The following DPH6 variants were observed in gnomAD, a reference collection of about 807,000 sequenced individuals.
DPH6 encodes the protein diphthine--ammonia ligase.
DPH6 carries 33 observed loss-of-function variants against 38.2 expected under a neutral mutation model. That is an observed-to-expected ratio of 0.86 (90% CI 0.65 to 1.15). The LOEUF is 1.15. Ranked by LOEUF, DPH6 falls within the 50% of genes most tolerant of loss-of-function variation. The pLI is 0.00. For synonymous variants in DPH6, 108 were observed against 103.0 expected (o/e 1.05, Z -0.30); for missense variants, 325 against 320.0 (o/e 1.02, Z -0.12).
At chr15:35,434,636 G>T (rs1288480368) in intron 5 of DPH6, among the ~76,000 whole-genome samples, 5 of 151,924 alleles carry the variant, frequency 3.3e-5, no homozygotes, top group Non-Finnish European at 7.4e-5. Flanking sequence ...GAAAGAACAG[G>T]CAACAATGTA....
intron 5 of DPH6, among the ~76,000 whole-genome samples, chr15:35,447,893 C>T (rs1252344770): frequency 6.6e-6 from 1 of 152,128 alleles, no homozygotes; most frequent in Non-Finnish European, 1.5e-5. Flanking sequence ...TCCTAGAAAG[C>T]TTATAAGTAG....
At chr15:35,530,232 C>T (rs2055066445) in intron 3 of DPH6, among the ~76,000 whole-genome samples, 1 of 152,122 alleles carries the variant, frequency 6.6e-6, no homozygotes. Flanking sequence ...TTACACCTAG[C>T]ATCCCAGACA....
At chr15:35,221,607 A>G (rs1005246657) in intron 3 of DPH6, among the ~76,000 whole-genome samples, 3 of 152,154 alleles carry the variant, frequency 2.0e-5, no homozygotes, top group African/African-American at 7.2e-5. Context: ...CCTAGATGGG[A>G]AAGACATCCT....
rs552768006 is a variant in DPH6, at chr15:35,296,053, C to G, written n.201-75471G>C. Among the ~76,000 whole-genome samples, 9 of 152,032 alleles carry G rather than the reference C, an allele frequency of 5.9e-5. No individual in the cohort carries two copies. In the East Asian group the frequency reaches 1.6e-3, roughly 26 times the overall value. ...CTCCTGGGTTCACGCCATTCTCTTG[C>G]CTCAGCCTCCCAAGTAGCTGGGACT... is the stretch of plus-strand genomic sequence containing the variant. On this transcript the variant is annotated intron_variant and non_coding_transcript_variant, in intron 3 of 3. Coordinates refer to the DPH6 transcript ENST00000560386.
chr15:35,296,804 C>CT lies in DPH6; in HGVS notation n.201-76223dup, dbSNP rs772132282. Among the ~76,000 whole-genome samples, 191 of 127,298 alleles carry CT rather than the reference C, an allele frequency of 1.5e-3. 6 individuals carry two copies. Among genetic ancestry groups the CT allele is most frequent in the South Asian group, 6.0e-3 (24 of 4,026 alleles). 83.5% of individuals were successfully genotyped at this position (127,298 alleles called of 152,430 possible). On this transcript the variant is annotated intron_variant and non_coding_transcript_variant, in intron 3 of 3. Transcript: ENST00000560386. ...ATTCTCTAACCTGATGGCCTGGCTT[C>CT]TTTTTTTTTTTGAGACGGAGTCTCG... is the stretch of plus-strand genomic sequence containing the variant.
At chr15:35,366,004 G>C, downstream of DPH6, 1 of 985,224 alleles carries the variant, frequency 1.0e-6, no homozygotes, top group Non-Finnish European at 1.2e-6. Flanking sequence ...GACAGGGTAG[G>C]AAAGTTGTGC....
At chr15:35,307,283 C>T (rs1314600193) in intron 3 of DPH6, among the ~76,000 whole-genome samples, 3 of 151,310 alleles carry the variant, frequency 2.0e-5, no homozygotes, top group Admixed American at 1.3e-4. Context: ...CTGTATTGGG[C>T]ACAGAACATG....
At chr15:35,306,827 A>T (rs2052095993) in intron 3 of DPH6, among the ~76,000 whole-genome samples, 1 of 152,180 alleles carries the variant, frequency 6.6e-6, no homozygotes, top group African/African-American at 2.4e-5. Flanking sequence ...CTCTGCAGAG[A>T]ACACACCCAA....
chr15:35,388,040 T>A (rs1019746463), intron 6 of DPH6, among the ~76,000 whole-genome samples: 1 of 152,100 alleles, frequency 6.6e-6, no homozygotes, highest in Non-Finnish European at 1.5e-5. Context: ...TTATTGAGAG[T>A]TTTTAGCATG....
chr15:35,158,715 C>T, the DPH6 span, among the ~76,000 whole-genome samples: 1 of 151,986 alleles, frequency 6.6e-6, no homozygotes, highest in African/African-American at 2.4e-5. Context: ...AAATTGAACG[C>T]CTACATACCA....
chr15:35,435,829 T>G (rs752372884), intron 5 of DPH6, among the ~76,000 whole-genome samples: 9 of 152,076 alleles, frequency 5.9e-5, no homozygotes, highest in Non-Finnish European at 1.2e-4. Context: ...TTTCTGAGCC[T>G]TCTTGTCCTT....
Position 35,231,296 on chromosome 15 carries a change from C to T in DPH6, n.201-10714G>A, listed in dbSNP as rs541470395. The stretch of plus-strand genomic sequence containing the variant: ...TTGCTTTTTGCTATAATAATGGCAG[C>T]ACTGAGTTCAATGCCTTACAATTGC... On this transcript the variant is annotated intron_variant and non_coding_transcript_variant, in intron 3 of 3. Coordinates refer to the DPH6 transcript ENST00000560386. Among the ~76,000 whole-genome samples the T allele has an allele frequency of 8.5e-5, 13 of 152,344 alleles. 1 individual carries two copies. In the South Asian group the frequency reaches 2.7e-3, roughly 32 times the overall value.
chr15:35,479,546 G>A (rs1439475246), intron 3 of DPH6, among the ~76,000 whole-genome samples: 1 of 152,032 alleles, frequency 6.6e-6, no homozygotes, highest in African/African-American at 2.4e-5. Flanking sequence ...CCTCCTCCAA[G>A]ACTTCTACAA....
chr15:35,226,910 T>C (rs1007988787), intron 3 of DPH6, among the ~76,000 whole-genome samples: 1 of 152,176 alleles, frequency 6.6e-6, no homozygotes, highest in South Asian at 2.1e-4. Flanking sequence ...ATCAGCTCTT[T>C]AAATGTTTGG....
intron 6 of DPH6, among the ~76,000 whole-genome samples, chr15:35,385,104 C>A (rs565113227): frequency 6.6e-6 from 1 of 152,044 alleles, no homozygotes; most frequent in Non-Finnish European, 1.5e-5. Context: ...CGATCATTAA[C>A]AAGTCAGGAA....
chr15:35,327,570 C>T (rs1445188313), downstream of DPH6, among the ~76,000 whole-genome samples: 2 of 152,118 alleles, frequency 1.3e-5, no homozygotes, highest in African/African-American at 4.8e-5. Flanking sequence ...TGGTCTCTAT[C>T]TGCTGACCTC....
In DPH6 at chr15:35,241,761, A is replaced by G. The variant is rs556624558; in HGVS notation, n.201-21179T>C. 1.4e-5 allele frequency among the ~76,000 whole-genome samples: 2 copies of G among 142,790 alleles called. 1 individual carries two copies. Among genetic ancestry groups the G allele is most frequent in the South Asian group, 4.9e-4 (2 of 4,044 alleles). The allele number at this position is 142,790 out of a possible 152,430, so 93.7% of individuals were successfully genotyped here. On this transcript the variant is annotated intron_variant and non_coding_transcript_variant, in intron 3 of 3. Transcript: ENST00000560386. Reference sequence around the variant, plus strand: ...ATCACCCTTACCCCTCTGAATGCCAATATCTCATCCCACAGCATGCTTTGA... The same window carrying G: ...ATCACCCTTACCCCTCTGAATGCCAGTATCTCATCCCACAGCATGCTTTGA...
chr15:35,248,475 T>C (rs1471091346), intron 3 of DPH6, among the ~76,000 whole-genome samples: 3 of 152,186 alleles, frequency 2.0e-5, no homozygotes, highest in Non-Finnish European at 4.4e-5. Flanking sequence ...ACACAGGCCT[T>C]GCTGGGTCCC....
intron 6 of DPH6, among the ~76,000 whole-genome samples, chr15:35,387,416 T>C (rs1467703421): frequency 8.5e-5 from 13 of 152,220 alleles, no homozygotes; most frequent in Admixed American, 7.9e-4. Flanking sequence ...GCATTGAATC[T>C]ATAAATTACC....
Sources: allele counts gnomAD v4.1 joint callset (sites outside exome capture counted in the v4.1 genomes callset), GRCh38; gene constraint gnomAD v4.1.1; transcripts MANE v1.5; gene names NCBI Gene and HGNC (gene_info 2026-07-23, HGNC 2026-07-21).